The following ROCK2 variants were observed in gnomAD, a reference collection of about 807,000 sequenced individuals.
ROCK2 encodes the protein Rho associated coiled-coil containing protein kinase 2, also known as rho-associated protein kinase 2.
A neutral mutation model predicts 195.1 loss-of-function variants in ROCK2; 61 were observed. The ratio of observed to expected loss-of-function variants is 0.31; its 90% CI spans 0.25 to 0.39. ROCK2 has a LOEUF of 0.39. Among genes scored for constraint, ROCK2 ranks in the 10% least tolerant of loss-of-function variants. The pLI is 1.00. For missense variants in ROCK2, 1,109 were observed against 1,637.4 expected (o/e 0.68, Z 5.57); for synonymous variants, 504 against 545.5 (o/e 0.92, Z 1.06).
At chr2:11,250,518 T>C (rs1254672368) in intron 3 of ROCK2, among the ~76,000 whole-genome samples, 1 of 152,206 alleles carries the variant, frequency 6.6e-6, no homozygotes, top group Non-Finnish European at 1.5e-5. Flanking sequence ...ATTAGATAAG[T>C]AACAACTGCT....
At chr2:11,263,383 C>A (rs1353692774) in intron 3 of ROCK2, among the ~76,000 whole-genome samples, 1 of 152,164 alleles carries the variant, frequency 6.6e-6, no homozygotes, top group Non-Finnish European at 1.5e-5. Flanking sequence ...TGCACACACA[C>A]ACATTAGTTA....
intron 5 of ROCK2, 80 bp from the exon 6 acceptor site, chr2:11,227,478 C>G: frequency 7.7e-7 from 1 of 1,294,204 alleles, no homozygotes; most frequent in Non-Finnish European, 1.1e-6. Flanking sequence ...CCATTTATTA[C>G]TAGATATACA....
intron 5 of ROCK2, among the ~76,000 whole-genome samples, chr2:11,232,154 T>C (rs1665036939): frequency 6.6e-6 from 1 of 152,032 alleles, no homozygotes; most frequent in Non-Finnish European, 1.5e-5. Flanking sequence ...GACAGGGTCT[T>C]GCTCTGTCGC....
chr2:11,227,261 C>T lies in ROCK2; in HGVS notation c.861G>A (p.Met287Ile). ...WWSVGVFLYE[M>I]LVGDTPFYAD... ...GTTAAAATATTTACTTACCCACTAG[C>T]ATCTCATAAAGGAAAACACCTACAG... Residue 287 changes from methionine to isoleucine, a missense_variant, in exon 6 of 33, where the codon ATG becomes ATA. Coordinates refer to ENST00000315872, the MANE Select transcript of ROCK2 (RefSeq NM_004850.5). 1.2e-6 allele frequency: 2 copies of T among 1,610,892 alleles called. No homozygotes were observed. Among genetic ancestry groups the T allele is most frequent in the Non-Finnish European group, 1.7e-6 (2 of 1,178,180 alleles).
chr2:11,253,891 C>T (rs1273967289), intron 3 of ROCK2, among the ~76,000 whole-genome samples: 1 of 152,142 alleles, frequency 6.6e-6, no homozygotes. Context: ...TGGTGTCTTC[C>T]CCAGAGCAGA....
At chr2:11,234,871 T>C (rs1052702966) in intron 5 of ROCK2, among the ~76,000 whole-genome samples, 3 of 151,924 alleles carry the variant, frequency 2.0e-5, no homozygotes, top group Non-Finnish European at 4.4e-5. Flanking sequence ...AGTTAAGAGG[T>C]AGAGAGAAAA....
Position 11,202,039 on chromosome 2 carries a change from G to A in ROCK2, c.2619+13C>T. The A allele has an allele frequency of 6.2e-7, 1 of 1,606,516 alleles. No individual in the cohort carries two copies. The highest frequency in any genetic ancestry group is 1.3e-5 in the African/African-American group (1 of 74,886). ...CTGTTTGCTATTTGCAAATTAATGT[G>A]TCTTGAACTTACTGAGAAATACTGT... On this transcript the variant is annotated intron_variant, in intron 21 of 32. Coordinates refer to ENST00000315872, the MANE Select transcript of ROCK2 (RefSeq NM_004850.5).
chr2:11,297,000 G>A (rs1349397953), intron 1 of ROCK2, among the ~76,000 whole-genome samples: 1 of 151,920 alleles, frequency 6.6e-6, no homozygotes, highest in Non-Finnish European at 1.5e-5. Context: ...TTAAAATCTG[G>A]GAAAGATTAG....
At chr2:11,331,709 G>A (rs967884627) in intron 1 of ROCK2, among the ~76,000 whole-genome samples, 2 of 152,042 alleles carry the variant, frequency 1.3e-5, no homozygotes, top group African/African-American at 4.8e-5. Context: ...GGTGGATCAC[G>A]AGGTCAGGAG....
At chr2:11,267,517 A>AC (rs1666459690) in intron 3 of ROCK2, among the ~76,000 whole-genome samples, 1 of 151,708 alleles carries the variant, frequency 6.6e-6, no homozygotes, top group Non-Finnish European at 1.5e-5. Context: ...CAAAAAAAAA[A>AC]AACCAAAAAC....
At chr2:11,281,233 C>T (rs937863674) in intron 3 of ROCK2, among the ~76,000 whole-genome samples, 2 of 145,802 alleles carry the variant, frequency 1.4e-5, no homozygotes, top group African/African-American at 5.1e-5. Flanking sequence ...AAAAAAAAAC[C>T]TCAGTACATG....
chr2:11,308,262 A>G (rs368029573), intron 1 of ROCK2: 38 of 1,173,002 alleles, frequency 3.2e-5, no homozygotes, highest in African/African-American at 3.2e-4. Context: ...CAGTCCACAC[A>G]GTCTCAAGAA....
In ROCK2 at chr2:11,344,434, C is replaced by T. The variant is rs1669220758; in HGVS notation, c.-298G>A. The T allele has an allele frequency of 1.9e-6, 2 of 1,047,786 alleles. No homozygotes were observed. The highest frequency in any genetic ancestry group is 1.1e-6 in the Non-Finnish European group (1 of 871,114). The allele number at this position is 1,047,786 out of a possible 1,614,324, so 64.9% of individuals were successfully genotyped here. On this transcript the variant is annotated 5_prime_UTR_variant, in exon 1 of 33. Transcript: ENST00000315872. The surrounding 1 kb of genome is among the most constrained non-coding windows in gnomAD (Gnocchi z 5.4). ...GGTCCGCTGGTCCTCAGCGAGTGCCCGCAGGAGTCCTCGGGCGGGAGCAGG... is the reference window on the plus strand; with the variant it reads ...GGTCCGCTGGTCCTCAGCGAGTGCCTGCAGGAGTCCTCGGGCGGGAGCAGG...
chr2:11,333,336 G>A (rs1668825667), intron 1 of ROCK2, among the ~76,000 whole-genome samples: 1 of 152,104 alleles, frequency 6.6e-6, no homozygotes, highest in African/African-American at 2.4e-5. Context: ...TCTGCTGGCT[G>A]TATTTATTTG....
At chr2:11,326,463 T>C (rs905684556) in intron 1 of ROCK2, among the ~76,000 whole-genome samples, 9 of 152,162 alleles carry the variant, frequency 5.9e-5, no homozygotes, top group African/African-American at 2.2e-4. Context: ...GACATTATAG[T>C]GTATGGAGAA....
chr2:11,341,641 G>C (rs186491127), intron 1 of ROCK2, among the ~76,000 whole-genome samples: 4 of 151,232 alleles, frequency 2.6e-5, no homozygotes, highest in Non-Finnish European at 5.9e-5. Context: ...ATGTAGTGTC[G>C]CAGCTGTGTT....
Position 11,211,799 on chromosome 2 carries a change from T to C in ROCK2, c.2085A>G (p.Lys695=). The C allele has an allele frequency of 1.2e-6, 2 of 1,611,626 alleles. No homozygotes were observed. The highest frequency in any genetic ancestry group is 3.4e-5 in the Admixed American group (2 of 59,634). Residue 695 remains lysine (K), a synonymous_variant, in exon 18 of 33, where the codon AAA becomes AAG. Transcript: ENST00000315872. ...CTTGTTCTAGGCTCTGCTGTATAAC[T>C]TTTAGTTGGTATGTCATATCTATTT... The part of the protein sequence containing the change: ...NMEIDMTYQL[K]VIQQSLEQEE...
intron 1 of ROCK2, among the ~76,000 whole-genome samples, chr2:11,317,861 C>T (rs1342278564): frequency 2.0e-5 from 3 of 150,830 alleles, no homozygotes; most frequent in South Asian, 2.1e-4. Context: ...TGAGAATATG[C>T]GGTGTTTGGT....
intron 32 of ROCK2, among the ~76,000 whole-genome samples, chr2:11,188,222 G>C (rs1179143825): frequency 1.4e-5 from 2 of 147,632 alleles, no homozygotes; most frequent in Non-Finnish European, 3.0e-5. Context: ...GCAATTCTCT[G>C]CCTCAGCCTC....
Sources: gnomAD v4.1 joint callset for allele counts (sites outside exome capture counted in the v4.1 genomes callset) on GRCh38, gnomAD v4.1.1 for gene constraint, Gnocchi (gnomAD v3.1) non-coding constraint, MANE v1.5 for transcripts, NCBI Gene and HGNC (gene_info 2026-07-23, HGNC 2026-07-21) for gene names.